The following SLC17A6 variants were observed in gnomAD, a reference collection of about 807,000 sequenced individuals.
SLC17A6 encodes the protein vesicular glutamate transporter 2.
Under a neutral mutation model 67.1 loss-of-function variants are expected in SLC17A6, and 35 were observed. The observed-to-expected ratio is 0.52, with a 90% CI of 0.40 to 0.69. The LOEUF (loss-of-function observed/expected upper bound fraction) is 0.69. Ranked by LOEUF, SLC17A6 falls within the 30% of genes least tolerant of loss-of-function variation. SLC17A6 has a pLI of 0.00. For synonymous variants in SLC17A6, 285 were observed against 252.3 expected, an observed-to-expected ratio of 1.13 and a Z score of -1.23; for missense variants, 588 against 723.9, an observed-to-expected ratio of 0.81 and a Z score of 2.15.
chr11:22,351,220 T>C (rs1855933978), intron 3 of SLC17A6, among the ~76,000 whole-genome samples: 1 of 152,202 alleles, frequency 6.6e-6, no homozygotes. Flanking sequence ...CACATGACTC[T>C]ATAAGGCAGA....
At chr11:22,370,577 T>C (rs1248863808) in intron 8 of SLC17A6, among the ~76,000 whole-genome samples, 1 of 152,138 alleles carries the variant, frequency 6.6e-6, no homozygotes, top group Non-Finnish European at 1.5e-5. Context: ...AAATTTCCAA[T>C]CTAATTATTC....
intron 3 of SLC17A6, among the ~76,000 whole-genome samples, chr11:22,344,211 T>C (rs994187711): frequency 1.3e-5 from 2 of 152,194 alleles, no homozygotes; most frequent in African/African-American, 4.8e-5. Context: ...CTTTCTGGTC[T>C]TTCTGCTTAG....
rs1354153113 is a variant in SLC17A6 at position 22,360,932 on chromosome 11, C to T, written c.609C>T (p.Ser203=). The change falls in exon 5 of 12, where the codon AGC becomes AGT. Residue 203 remains serine, a synonymous_variant. Coordinates refer to ENST00000263160, the MANE Select transcript of SLC17A6 (RefSeq NM_020346.3). ...VTYPACHGIW[S]KWAPPLERSR... ...ACCCAGCATGTCATGGGATATGGAG[C>T]AAATGGGCCCCACCTCTAGAGAGGA... is the stretch of plus-strand genomic sequence containing the variant. 3 of 1,613,874 alleles carry T rather than the reference C, an allele frequency of 1.9e-6. No homozygotes were observed. The highest frequency in any genetic ancestry group is 2.5e-6 in the Non-Finnish European group (3 of 1,179,924).
intron 3 of SLC17A6, among the ~76,000 whole-genome samples, chr11:22,353,581 G>A (rs892624199): frequency 4.6e-5 from 7 of 152,152 alleles, no homozygotes; most frequent in Non-Finnish European, 7.4e-5. Flanking sequence ...CTATTTAAAT[G>A]TCCCCAAGAA....
rs181043517 is a variant in SLC17A6 at position 22,359,355 on chromosome 11, A to G, written c.459-58A>G. On this transcript the variant is annotated intron_variant, in intron 3 of 11. Coordinates refer to ENST00000263160, the MANE Select transcript of SLC17A6 (RefSeq NM_020346.3). ...GTTTCACTTCTCCTGAGAAATTTAG[A>G]TATGTATATATAAGATGCTGAATCA... 5.6e-5 allele frequency: 55 copies of G among 986,632 alleles called. No homozygotes were observed. The Admixed American group carries it at 8.9e-4, about 16-fold the overall frequency. The allele number at this position is 986,632 out of a possible 1,614,324, so 61.1% of individuals were successfully genotyped here.
intron 3 of SLC17A6, among the ~76,000 whole-genome samples, chr11:22,356,903 CA>C (rs1855998172): frequency 6.6e-6 from 1 of 152,154 alleles, no homozygotes; most frequent in South Asian, 2.1e-4. Flanking sequence ...AAACATTATT[CA>C]GAGTAAGAAT....
intron 3 of SLC17A6, among the ~76,000 whole-genome samples, chr11:22,358,954 AACTT>A (rs1856019262): frequency 6.6e-6 from 1 of 152,208 alleles, no homozygotes; most frequent in Admixed American, 6.5e-5. Context: ...TGTGAGGAAT[AACTT>A]TATTTATGCA....
At chr11:22,370,930 C>T (rs1856168827) in intron 8 of SLC17A6, among the ~76,000 whole-genome samples, 1 of 151,982 alleles carries the variant, frequency 6.6e-6, no homozygotes, top group Non-Finnish European at 1.5e-5. Context: ...TATAGGAACT[C>T]GAAATTTAGA....
chr11:22,378,151 G>T lies in SLC17A6; in HGVS notation c.*411G>T, dbSNP rs1316369174. The T allele has an allele frequency of 5.6e-6, 1 of 178,656 alleles. No homozygotes were observed. The highest frequency in any genetic ancestry group is 2.3e-5 in the African/African-American group (1 of 42,746). 11.1% of individuals were successfully genotyped at this position (178,656 alleles called of 1,614,324 possible). Reference sequence around the variant, plus strand: ...CTGTATTGCAAGATAGCACACAGAAGTTGGCTGCGTCAAGTAGAGGCGACA... The same window carrying T: ...CTGTATTGCAAGATAGCACACAGAATTTGGCTGCGTCAAGTAGAGGCGACA... On this transcript the variant is annotated 3_prime_UTR_variant, in exon 12 of 12. Coordinates refer to ENST00000263160, the MANE Select transcript of SLC17A6 (RefSeq NM_020346.3).
intron 3 of SLC17A6, among the ~76,000 whole-genome samples, chr11:22,352,588 T>C (rs867816132): frequency 1.4e-4 from 21 of 152,336 alleles, no homozygotes; most frequent in Admixed American, 1.0e-3. Flanking sequence ...AGCATTGTGC[T>C]AGCACCATGG....
intron 3 of SLC17A6, among the ~76,000 whole-genome samples, chr11:22,355,565 C>T (rs1166676430): frequency 6.6e-6 from 1 of 152,076 alleles, no homozygotes; most frequent in Non-Finnish European, 1.5e-5. Flanking sequence ...CCTCTGAAGT[C>T]ACCCCAAACT....
Position 22,359,533 on chromosome 11 carries a change from T to C in SLC17A6, c.573+6T>C, listed in dbSNP as rs368157739. ...TACTGCAGGGACTTGTTGAGGTATG[T>C]AACTTCAGGGTGAAGCCTTTTTAAG... On this transcript the variant is annotated splice_donor_region_variant and intron_variant, in intron 4 of 11. Coordinates refer to ENST00000263160, the MANE Select transcript of SLC17A6 (RefSeq NM_020346.3). 4 of 1,554,662 alleles carry C rather than the reference T, an allele frequency of 2.6e-6. No individual in the cohort carries two copies. Among genetic ancestry groups the C allele is most frequent in the Non-Finnish European group, 3.5e-6 (4 of 1,146,656 alleles).
chr11:22,343,332 G>C lies in SLC17A6; in HGVS notation c.425G>C (p.Gly142Ala). 1 of 1,612,570 alleles carries C rather than the reference G, an allele frequency of 6.2e-7. No individual in the cohort carries two copies. Among genetic ancestry groups the C allele is most frequent in the Non-Finnish European group, 8.5e-7 (1 of 1,179,646 alleles). ...FWGYIITQIP[G>A]GYIASRLAAN... ...GGCTACATCATCACTCAGATTCCGG[G>C]AGGCTACATCGCGTCTCGGCTGGCA... Residue 142 changes from glycine to alanine, a missense_variant, in exon 3 of 12, where the codon GGA (glycine) becomes GCA (alanine). Transcript: ENST00000263160.
chr11:22,342,601 G>A (rs1481357038), intron 2 of SLC17A6, among the ~76,000 whole-genome samples: 1 of 152,132 alleles, frequency 6.6e-6, no homozygotes, highest in African/African-American at 2.4e-5. Context: ...AGGCTGCTCA[G>A]GGCGGAATTA....
chr11:22,342,857 G>C (rs140410058), intron 2 of SLC17A6: 159 of 438,494 alleles, frequency 3.6e-4, no homozygotes, highest in South Asian at 2.2e-3. Context: ...CTACACTACT[G>C]TGTCTGCATT....
chr11:22,350,738 C>A lies in SLC17A6; in HGVS notation c.458+7373C>A, dbSNP rs11026527. On this transcript the variant is annotated intron_variant, in intron 3 of 11. Coordinates refer to ENST00000263160, the MANE Select transcript of SLC17A6 (RefSeq NM_020346.3). Reference sequence around the variant, plus strand: ...CCAGAAGTGGGTTTTAAATCTAACACCTTAGGTGCCAATTATAAGGAGAAA... The same window carrying A: ...CCAGAAGTGGGTTTTAAATCTAACAACTTAGGTGCCAATTATAAGGAGAAA... 8.1e-3 allele frequency among the ~76,000 whole-genome samples: 1,227 copies of A among 152,222 alleles called. 11 individuals are homozygous for A. The highest frequency in any genetic ancestry group is 0.011 in the Non-Finnish European group (767 of 68,006).
At chr11:22,371,416 C>T (rs1204034787) in intron 8 of SLC17A6, among the ~76,000 whole-genome samples, 1 of 151,950 alleles carries the variant, frequency 6.6e-6, no homozygotes, top group African/African-American at 2.4e-5. Flanking sequence ...AAACTGTTTC[C>T]TCCATCCCCG....
intron 3 of SLC17A6, among the ~76,000 whole-genome samples, chr11:22,353,405 T>C (rs979728770): frequency 2.0e-5 from 3 of 152,138 alleles, no homozygotes; most frequent in Non-Finnish European, 4.4e-5. Flanking sequence ...TACTATATCA[T>C]ACTATTTAAA....
intron 2 of SLC17A6, among the ~76,000 whole-genome samples, chr11:22,342,390 C>T (rs973463998): frequency 6.6e-6 from 1 of 152,112 alleles, no homozygotes; most frequent in Admixed American, 6.5e-5. Context: ...CTGCCGTAAA[C>T]CAGACTAAGC....
Sources: gnomAD v4.1 joint callset for allele counts (sites outside exome capture counted in the v4.1 genomes callset) on GRCh38, gnomAD v4.1.1 for gene constraint, MANE v1.5 for transcripts, NCBI Gene and HGNC (gene_info 2026-07-23, HGNC 2026-07-21) for gene names.